ANKHD1: variants seen among roughly 807,000 people sequenced by gnomAD.
ANKHD1 encodes ankyrin repeat and KH domain containing 1.
Under a neutral mutation model 230.5 loss-of-function variants are expected in ANKHD1, and 31 were observed. The observed-to-expected ratio is 0.13, with a 90% CI of 0.10 to 0.18. The LOEUF is 0.18. Among genes scored for constraint, ANKHD1 ranks in the 10% least tolerant of loss-of-function variants. The pLI, the probability that ANKHD1 is intolerant of heterozygous loss-of-function variation, is 1.00. For synonymous variants in ANKHD1, 1,074 were observed against 1,117.6 expected (o/e 0.96, Z 0.78); for missense variants, 2,256 against 3,071.3 (o/e 0.73, Z 6.27).
At chr5:140,464,540 A>G in intron 9 of ANKHD1, 127 bp from the exon 10 acceptor site, 1 of 731,718 alleles carries the variant, frequency 1.4e-6, no homozygotes, top group Non-Finnish European at 2.0e-6. Context: ...AAGGAAAACT[A>G]GTATACTTAA....
At chr5:140,504,064 T>A (rs114890696) in intron 15 of ANKHD1, among the ~76,000 whole-genome samples, 4,055 of 134,172 alleles carry the variant, frequency 0.03, 72 homozygotes, top group Non-Finnish European at 0.041. Context: ...TCCCCCACCC[T>A]TTTTTTTAGA....
rs1045402257 is a variant in ANKHD1, at chr5:140,507,682, G to A, written c.3552-103G>A. 8 of 1,338,030 alleles carry A rather than the reference G, an allele frequency of 6.0e-6. No individual in the cohort carries two copies. In the Admixed American group the frequency reaches 1.2e-4, roughly 21 times the overall value. The allele number at this position is 1,338,030 out of a possible 1,614,324, so 82.9% of individuals were successfully genotyped here. Reference sequence around the variant, plus strand: ...AAACAAGTAAAATCTATTCATTGATGTTAGAAACCTCTCTTTTTAGTGAAA... The same window carrying A: ...AAACAAGTAAAATCTATTCATTGATATTAGAAACCTCTCTTTTTAGTGAAA... On this transcript the variant is annotated intron_variant, in intron 19 of 33. Transcript: ENST00000360839. This position sits in a 1 kb window ranked among gnomAD's most constrained non-coding sequence, Gnocchi z 4.1.
intron 10 of ANKHD1, among the ~76,000 whole-genome samples, chr5:140,474,908 A>G (rs1378181841): frequency 6.6e-6 from 1 of 152,130 alleles, no homozygotes; most frequent in Non-Finnish European, 1.5e-5. Context: ...ACCTTACCTT[A>G]ATAAACTTTA....
chr5:140,436,140 A>G lies in ANKHD1; in HGVS notation c.343A>G (p.Asn115Asp). The G allele has an allele frequency of 6.3e-7, 1 of 1,595,306 alleles. No homozygotes were observed. The highest frequency in any genetic ancestry group is 8.5e-7 in the Non-Finnish European group (1 of 1,171,906). ...SFILDQEDLD[N>D]PVLKTTSEIF... The stretch of plus-strand genomic sequence containing the variant: ...TATTTTGGACCAAGAAGATCTGGAT[A>G]ACCCAGTGCTTAAAACAACATCAGA... The change falls in exon 2 of 34, where the codon AAC becomes GAC. Residue 115 changes from asparagine (N) to aspartate (D), a missense_variant. Physicochemically the swap from Asn to Asp is conservative, Grantham distance 23. Coordinates refer to ENST00000360839, the MANE Select transcript of ANKHD1 (RefSeq NM_017747.3).
chr5:140,402,679 C>A (rs138113781), intron 1 of ANKHD1, among the ~76,000 whole-genome samples: 2 of 152,190 alleles, frequency 1.3e-5, no homozygotes, highest in East Asian at 3.9e-4. Flanking sequence ...CTTTGCCTCT[C>A]CTCAGAGTTG....
chr5:140,496,452 TTTTCTTTTC>T, intron 14 of ANKHD1, 59 bp from the exon 15 acceptor site: 1 of 1,129,404 alleles, frequency 8.9e-7, no homozygotes, highest in Admixed American at 3.2e-5. Flanking sequence ...TCTTTTTTTT[TTTTCTTTTC>T]TTTTTTTTTT....
chr5:140,415,937 C>G (rs1158075535), intron 1 of ANKHD1, among the ~76,000 whole-genome samples: 3 of 152,044 alleles, frequency 2.0e-5, no homozygotes, highest in Non-Finnish European at 4.4e-5. Context: ...TCCCTTCCCC[C>G]TCCCCTGACC....
chr5:140,501,432 T>C (rs1318278721), intron 15 of ANKHD1, among the ~76,000 whole-genome samples: 1 of 152,016 alleles, frequency 6.6e-6, no homozygotes, highest in African/African-American at 2.4e-5. Flanking sequence ...ATAAAACAGA[T>C]TACAGCAATT....
chr5:140,419,082 C>G (rs1016839576), intron 1 of ANKHD1, among the ~76,000 whole-genome samples: 1 of 152,212 alleles, frequency 6.6e-6, no homozygotes, highest in African/African-American at 2.4e-5. Context: ...CAGCAATGTA[C>G]AAGAGTTCCA....
intron 6 of ANKHD1, among the ~76,000 whole-genome samples, chr5:140,447,395 T>TG (rs1774371762): frequency 6.6e-6 from 1 of 151,878 alleles, no homozygotes; most frequent in African/African-American, 2.4e-5. Flanking sequence ...TTTGTAGAGA[T>TG]GGGGGTCTCA....
chr5:140,523,994 A>C (rs1753486257), intron 24 of ANKHD1, 72 bp from the exon 25 acceptor site: 1 of 1,485,272 alleles, frequency 6.7e-7, no homozygotes, highest in African/African-American at 1.5e-5. Flanking sequence ...TGTGTATCAT[A>C]AAAATATCAT....
chr5:140,454,363 G>T (rs534634698), intron 7 of ANKHD1, among the ~76,000 whole-genome samples: 1 of 152,040 alleles, frequency 6.6e-6, no homozygotes, highest in Non-Finnish European at 1.5e-5. Context: ...CAAGCAGACC[G>T]AATAGGCATC....
rs1185167482 is a variant in ANKHD1 at position 140,419,350 on chromosome 5, T to A, written c.307-16754T>A. Among the ~76,000 whole-genome samples, 4 of 152,038 alleles carry A rather than the reference T, an allele frequency of 2.6e-5. No homozygotes were observed. In the East Asian group the frequency reaches 5.8e-4, roughly 22 times the overall value. On this transcript the variant is annotated intron_variant, in intron 1 of 33. Coordinates refer to ENST00000360839, the MANE Select transcript of ANKHD1 (RefSeq NM_017747.3). ...TGTGTTTGTTTTTTCTTTTCTTTTTTAAATTTGTTTTAGGAAAAAAATTCT... is the reference window on the plus strand; with the variant it reads ...TGTGTTTGTTTTTTCTTTTCTTTTTAAAATTTGTTTTAGGAAAAAAATTCT...
At chr5:140,480,880 G>A (rs1232995092) in intron 10 of ANKHD1, among the ~76,000 whole-genome samples, 1 of 152,048 alleles carries the variant, frequency 6.6e-6, no homozygotes, top group Non-Finnish European at 1.5e-5. Flanking sequence ...GTTTAGTGGA[G>A]GAGACAGGTT....
intron 1 of ANKHD1, among the ~76,000 whole-genome samples, chr5:140,406,585 A>T (rs1581196074): frequency 7.2e-6 from 1 of 138,414 alleles, no homozygotes; most frequent in Admixed American, 7.4e-5. Flanking sequence ...TTTGAGATGG[A>T]GTCTTGTCGC....
At position 140,497,053 on chromosome 5, in the gene ANKHD1, G is replaced by T; in HGVS notation, c.2779G>T (p.Val927Phe). ...GGCAGAACAGATTGATTTTGTCCCA[G>T]TCCAGCCTTTATCATCTCCACAGTG... ...PSAEQIDFVPVQPLSSPQCNF... is the reference protein window; with the variant it reads ...PSAEQIDFVPFQPLSSPQCNF... Residue 927 changes from valine to phenylalanine, a missense_variant, in exon 15 of 34, where the codon GTC becomes TTC. Val to Phe is a conservative substitution (Grantham distance 50). Transcript: ENST00000360839. 1 of 1,614,178 alleles carries T rather than the reference G, an allele frequency of 6.2e-7. No homozygotes were observed. The highest frequency in any genetic ancestry group is 1.3e-5 in the African/African-American group (1 of 75,056).
chr5:140,509,339 G>T (rs1045766550), intron 20 of ANKHD1, among the ~76,000 whole-genome samples: 3 of 152,144 alleles, frequency 2.0e-5, no homozygotes, highest in African/African-American at 7.2e-5. Context: ...TATTCATTAT[G>T]CAAAGAAATT....
At chr5:140,489,374 C>A (rs1413993380) in intron 14 of ANKHD1, among the ~76,000 whole-genome samples, 1 of 151,954 alleles carries the variant, frequency 6.6e-6, no homozygotes, top group Non-Finnish European at 1.5e-5. Context: ...CCTGTAGTCC[C>A]AGCTACTCAG....
At chr5:140,437,135 AT>A (rs972244520) in intron 2 of ANKHD1, among the ~76,000 whole-genome samples, 2 of 152,152 alleles carry the variant, frequency 1.3e-5, no homozygotes, top group African/African-American at 4.8e-5. Context: ...ACAAAATACA[AT>A]TTTTTTCCCC....
Sources: gnomAD v4.1 joint callset for allele counts (sites outside exome capture counted in the v4.1 genomes callset) on GRCh38, gnomAD v4.1.1 for gene constraint, Gnocchi (gnomAD v3.1) non-coding constraint, MANE v1.5 for transcripts, NCBI Gene and HGNC (gene_info 2026-07-23, HGNC 2026-07-21) for gene names.